The following HDAC6 variants were observed in gnomAD, a reference collection of about 807,000 sequenced individuals.
HDAC6 encodes the protein protein deacetylase HDAC6.
A neutral mutation model predicts 88.9 loss-of-function variants in HDAC6; 5 were observed. That is an observed-to-expected ratio of 0.06 (90% CI 0.03 to 0.12). The LOEUF (loss-of-function observed/expected upper bound fraction) is 0.12, where lower values mean the gene tolerates loss of function less well. Among genes scored for constraint, HDAC6 ranks in the 10% least tolerant of loss-of-function variants. HDAC6 has a pLI of 1.00. For synonymous variants in HDAC6, 378 were observed against 398.0 expected (o/e 0.95, Z 0.60); for missense variants, 706 against 1,014.4 (o/e 0.70, Z 4.13).
intron 8 of HDAC6, 126 bp from the exon 9 acceptor site, chrX:48,807,907 C>T (rs2062705635): frequency 1.0e-5 from 5 of 493,882 alleles, no homozygotes; most frequent in South Asian, 6.1e-5. Context: ...ACTCAGTTCC[C>T]GGCAGATTTT....
chrX:48,816,145 C>T lies in HDAC6; in HGVS notation c.1498C>T (p.His500Tyr), dbSNP rs2062981245. 8.3e-7 allele frequency: 1 copy of T among 1,209,947 alleles called. No homozygotes were observed. The highest frequency in any genetic ancestry group is 1.1e-6 in the Non-Finnish European group (1 of 895,179). ...MNHCNLWDSHHPEVPQRILRI... is the reference protein window; with the variant it reads ...MNHCNLWDSHYPEVPQRILRI... ...CTCTCGTTTCCCCACTGCTAGCCAC[C>T]ACCCTGAGGTACCCCAGCGCATCTT... Residue 500 changes from histidine (H) to tyrosine (Y), a missense_variant, in exon 18 of 29, where the codon CAC becomes TAC. Coordinates refer to ENST00000334136, the MANE Select transcript of HDAC6 (RefSeq NM_006044.4).
chrX:48,816,096 C>T, intron 17 of HDAC6, 44 bp downstream of exon 17: 1 of 1,209,305 alleles, frequency 8.3e-7, no homozygotes, highest in Non-Finnish European at 1.1e-6. Context: ...GGGGGTCCCT[C>T]CCCCTCAGGC....
rs1557026710 is a variant in HDAC6 at position 48,814,479 on chromosome X, G to A, written c.846G>A (p.Arg282=). 2 of 1,211,522 alleles carry A rather than the reference G, an allele frequency of 1.7e-6. No homozygotes were observed. Among genetic ancestry groups the A allele is most frequent in the South Asian group, 3.5e-5 (2 of 57,005 alleles). Residue 282 remains arginine (R), a synonymous_variant, in exon 11 of 29, where the codon AGG becomes AGA. Coordinates refer to ENST00000334136, the MANE Select transcript of HDAC6 (RefSeq NM_006044.4). ...CCATCCACCGCTACGAGCAGGGTAG[G>A]TTCTGGCCCCACCTGAAGGCCTCTA... ...YFSIHRYEQG[R]FWPHLKASNW...
chrX:48,823,807 G>T, intron 26 of HDAC6, 22 bp downstream of exon 26: 4 of 1,192,327 alleles, frequency 3.4e-6, no homozygotes, highest in Non-Finnish European at 4.6e-6. Flanking sequence ...GAGAGGCTGG[G>T]ACTGTGGCTT....
chrX:48,812,932 G>A, intron 10 of HDAC6, among the ~76,000 whole-genome samples: 1 of 110,132 alleles, frequency 9.1e-6, no homozygotes, highest in East Asian at 2.8e-4. Flanking sequence ...TTTTGAGACA[G>A]AGTCATGCTC....
At chrX:48,809,303 C>T (rs1557025295) in intron 10 of HDAC6, among the ~76,000 whole-genome samples, 1 of 111,633 alleles carries the variant, frequency 9.0e-6, no homozygotes, top group Non-Finnish European at 1.9e-5. Flanking sequence ...TTGAGCAAGT[C>T]CTTGTCAGTA....
chrX:48,817,312 C>G lies in HDAC6; in HGVS notation c.1792-14C>G. Reference sequence around the variant, plus strand: ...GGGCAGGCTGTCCGATCTTAGCACCCTGCTGCTTCCCAGGTTCTGAATGGT... The same window carrying G: ...GGGCAGGCTGTCCGATCTTAGCACCGTGCTGCTTCCCAGGTTCTGAATGGT... On this transcript the variant is annotated splice_polypyrimidine_tract_variant and intron_variant, in intron 19 of 28. Coordinates refer to ENST00000334136, the MANE Select transcript of HDAC6 (RefSeq NM_006044.4). 1.7e-6 allele frequency: 2 copies of G among 1,190,030 alleles called. No homozygotes were observed. Among genetic ancestry groups the G allele is most frequent in the Non-Finnish European group, 2.3e-6 (2 of 883,246 alleles).
chrX:48,803,020 G>A, intron 3 of HDAC6, 21 bp downstream of exon 3: 1 of 1,207,795 alleles, frequency 8.3e-7, no homozygotes, highest in Non-Finnish European at 1.1e-6. Flanking sequence ...CCTGGCTGCA[G>A]TTTAGCCTCG....
At position 48,807,096 on chromosome X, in the gene HDAC6, A is replaced by G. The variant is rs1009213907; in HGVS notation, c.632+390A>G. 5 of 122,652 alleles carry G rather than the reference A, an allele frequency of 4.1e-5. No individual in the cohort carries two copies. The East Asian group carries it at 1.2e-3, about 30-fold the overall frequency. The allele number at this position is 122,652 out of a possible 1,213,427, so 10.1% of individuals were successfully genotyped here. ...ATGTAAAATCATGGTACATCTTATCATCATTGGCATCCCAGAACTGATGAA... is the reference window on the plus strand; with the variant it reads ...ATGTAAAATCATGGTACATCTTATCGTCATTGGCATCCCAGAACTGATGAA... On this transcript the variant is annotated intron_variant, in intron 8 of 28. Coordinates refer to ENST00000334136, the MANE Select transcript of HDAC6 (RefSeq NM_006044.4).
intron 14 of HDAC6, 94 bp downstream of exon 14, chrX:48,815,145 C>T (rs2062962913): frequency 2.7e-6 from 2 of 753,005 alleles, no homozygotes; most frequent in South Asian, 2.4e-5. Context: ...CCCAGGAATT[C>T]ACTTACTAGC....
chrX:48,803,614 C>T (rs1557023248), intron 4 of HDAC6, among the ~76,000 whole-genome samples: 2 of 111,781 alleles, frequency 1.8e-5, no homozygotes, highest in Non-Finnish European at 1.9e-5. Context: ...GAGGAAGAGA[C>T]GTTTGTACTG....
chrX:48,808,119 A>G lies in HDAC6; in HGVS notation c.719A>G (p.Gln240Arg). 1.7e-6 allele frequency: 2 copies of G among 1,204,342 alleles called. No homozygotes were observed. Among genetic ancestry groups the G allele is most frequent in the Non-Finnish European group, 2.2e-6 (2 of 890,398 alleles). The part of the protein sequence containing the change: ...HVAVAARYAQ[Q>R]KHRIRRVLIV... The stretch of plus-strand genomic sequence containing the variant: ...GCTGTGGCAGCCCGCTATGCTCAAC[A>G]GAAACACCGCATCCGGAGGTCAGCA... The change falls in exon 9 of 29, where the codon CAG becomes CGG. Residue 240 changes from glutamine to arginine, a missense_variant. This residue lies in a region of HDAC6 where 193 missense variants were observed against 258.2 expected (regional missense o/e 0.75). Coordinates refer to ENST00000334136, the MANE Select transcript of HDAC6 (RefSeq NM_006044.4).
chrX:48,805,716 G>A (rs782431087), intron 6 of HDAC6, 45 bp downstream of exon 6: 14 of 1,059,617 alleles, frequency 1.3e-5, no homozygotes, highest in Admixed American at 7.9e-5. Context: ...AGCCTGCCCT[G>A]GACAAACCAG....
At chrX:48,802,546 G>A in intron 1 of HDAC6, 117 bp from the exon 2 acceptor site, 1 of 1,120,316 alleles carries the variant, frequency 8.9e-7, no homozygotes. Context: ...TGGAGAATCA[G>A]ATCGCGTAAG....
chrX:48,816,903 A>C, intron 19 of HDAC6: 2 of 355,959 alleles, frequency 5.6e-6, no homozygotes, highest in Non-Finnish European at 4.9e-6. Context: ...GCAGTAAGCC[A>C]TGATTGCACC....
At chrX:48,801,966 C>G (rs1490767382), upstream of HDAC6, 2 of 966,443 alleles carry the variant, frequency 2.1e-6, no homozygotes, top group South Asian at 4.0e-5. Flanking sequence ...GCGTCGACGG[C>G]GGAGGCGGGA....
chrX:48,821,029 G>A (rs961329282), intron 23 of HDAC6, among the ~76,000 whole-genome samples: 1 of 108,989 alleles, frequency 9.2e-6, no homozygotes, highest in Non-Finnish European at 1.9e-5. Flanking sequence ...GTAGAGATGG[G>A]GTTTCACCAT....
rs782134796 is a variant in HDAC6 at position 48,818,120 on chromosome X, C to T, written c.1994+11C>T. Reference sequence around the variant, plus strand: ...TGAGGATGACCCCAGGTAAGGGCTGCAGTCAGGGGCCGCAGTGTGATCAGG... The same window carrying T: ...TGAGGATGACCCCAGGTAAGGGCTGTAGTCAGGGGCCGCAGTGTGATCAGG... On this transcript the variant is annotated intron_variant, in intron 21 of 28. Transcript: ENST00000334136. 6.7e-6 allele frequency: 8 copies of T among 1,188,601 alleles called. No individual in the cohort carries two copies. In the South Asian group the frequency reaches 9.2e-5, roughly 14 times the overall value.
intron 24 of HDAC6, 43 bp downstream of exon 24, chrX:48,822,837 G>A: frequency 8.6e-7 from 1 of 1,161,475 alleles, no homozygotes; most frequent in Non-Finnish European, 1.2e-6. Context: ...AGGGAAGGAG[G>A]GGGCTGAGGG....
Sources: gnomAD v4.1 joint callset for allele counts (sites outside exome capture counted in the v4.1 genomes callset) on GRCh38, gnomAD v4.1.1 for gene constraint, gnomAD v4.1.1 regional missense constraint, MANE v1.5 for transcripts, NCBI Gene and HGNC (gene_info 2026-07-23, HGNC 2026-07-21) for gene names.